The following OXCT1 variants were observed in gnomAD, a reference collection of about 807,000 sequenced individuals.
OXCT1 encodes succinyl-CoA:3-ketoacid coenzyme A transferase 1, mitochondrial.
Under a neutral mutation model 69.6 loss-of-function variants are expected in OXCT1, and 27 were observed. The observed-to-expected ratio is 0.39, with a 90% CI of 0.29 to 0.54. The LOEUF (loss-of-function observed/expected upper bound fraction) is 0.54, where lower values mean the gene tolerates loss of function less well. Among genes scored for constraint, OXCT1 ranks in the 20% least tolerant of loss-of-function variants. OXCT1 has a pLI of 0.72. For synonymous variants in OXCT1, 202 were observed against 217.8 expected (o/e 0.93, Z 0.64); for missense variants, 437 against 650.2 (o/e 0.67, Z 3.57).
intron 1 of OXCT1, among the ~76,000 whole-genome samples, chr5:41,869,775 G>A (rs933409014): frequency 6.6e-6 from 1 of 152,118 alleles, no homozygotes; most frequent in South Asian, 2.1e-4. Context: ...ATCCAGCCCC[G>A]GTGAACTCGA....
intron 14 of OXCT1, among the ~76,000 whole-genome samples, chr5:41,756,516 T>C (rs1257585597): frequency 6.6e-6 from 1 of 152,112 alleles, no homozygotes; most frequent in Non-Finnish European, 1.5e-5. Context: ...GAGAGGGTTA[T>C]AATGATAAAA....
intron 14 of OXCT1, among the ~76,000 whole-genome samples, chr5:41,758,950 A>G (rs1172560881): frequency 6.6e-6 from 1 of 152,090 alleles, no homozygotes; most frequent in East Asian, 1.9e-4. Context: ...GCCCAGATAA[A>G]ACAGGGAGGA....
chr5:41,868,722 C>CAA (rs557078550), intron 1 of OXCT1, among the ~76,000 whole-genome samples: 22 of 101,952 alleles, frequency 2.2e-4, no homozygotes, highest in African/African-American at 5.4e-4. Flanking sequence ...GACTCCGTCT[C>CAA]AAAAAAAAAA....
chr5:41,765,337 G>T (rs889102441), intron 13 of OXCT1, among the ~76,000 whole-genome samples: 1 of 152,118 alleles, frequency 6.6e-6, no homozygotes, highest in African/African-American at 2.4e-5. Flanking sequence ...CAATCTGGAC[G>T]CTGACATCCA....
chr5:41,825,963 C>T (rs13358155), intron 7 of OXCT1, among the ~76,000 whole-genome samples: 1,751 of 152,246 alleles, frequency 0.012, 33 homozygotes, highest in African/African-American at 0.04. Flanking sequence ...TCTTTTGAGC[C>T]AAAGTATAAA....
At chr5:41,850,301 T>C in intron 4 of OXCT1, 122 bp from the exon 5 acceptor site, 1 of 1,009,576 alleles carries the variant, frequency 9.9e-7, no homozygotes, top group Admixed American at 2.0e-5. Flanking sequence ...GCTAGCATTG[T>C]ACATTAGCAT....
At chr5:41,767,722 G>GTGTGTATATA (rs1554011237) in intron 13 of OXCT1, among the ~76,000 whole-genome samples, 1 of 89,972 alleles carries the variant, frequency 1.1e-5, no homozygotes, top group South Asian at 3.9e-4. Flanking sequence ...ATATGTGTGT[G>GTGTGTATATA]TATATATATA....
chr5:41,795,753 G>A (rs1387534805), intron 11 of OXCT1, among the ~76,000 whole-genome samples: 1 of 152,026 alleles, frequency 6.6e-6, no homozygotes, highest in Admixed American at 6.6e-5. Flanking sequence ...GTAACTCTGA[G>A]GTGATGGATG....
chr5:41,781,879 A>G (rs192803120), intron 13 of OXCT1, among the ~76,000 whole-genome samples: 10 of 152,230 alleles, frequency 6.6e-5, no homozygotes, highest in Admixed American at 3.9e-4. Context: ...GGTTGATTCC[A>G]TGTCTTTACT....
In OXCT1 at chr5:41,731,433, A is replaced by T; in HGVS notation, c.*296T>A. 9.5e-7 allele frequency: 1 copy of T among 1,051,676 alleles called. No individual in the cohort carries two copies. Among genetic ancestry groups the T allele is most frequent in the Non-Finnish European group, 1.2e-6 (1 of 843,478 alleles). The allele number at this position is 1,051,676 out of a possible 1,614,324, so 65.1% of individuals were successfully genotyped here. A position where few individuals can be genotyped will look rare whatever the true frequency, so the allele number is the denominator to read the frequency against. ...TAGGGCCCTTCTTGGGGAAAGGTTC[A>T]TATAATTTAGCATACATACCATATT... On this transcript the variant is annotated 3_prime_UTR_variant, in exon 17 of 17. Coordinates refer to ENST00000196371, the MANE Select transcript of OXCT1 (RefSeq NM_000436.4).
chr5:41,857,903 A>C (rs1195645039), intron 3 of OXCT1, among the ~76,000 whole-genome samples: 1 of 152,212 alleles, frequency 6.6e-6, no homozygotes, highest in African/African-American at 2.4e-5. Context: ...TACTTTCTGT[A>C]GTTTAAAATA....
intron 3 of OXCT1, among the ~76,000 whole-genome samples, chr5:41,855,728 G>C (rs1174094479): frequency 6.6e-6 from 1 of 152,196 alleles, no homozygotes; most frequent in African/African-American, 2.4e-5. Context: ...CTTTGAAACT[G>C]AGAAAATAAA....
chr5:41,785,620 G>C (rs142619319), intron 13 of OXCT1, among the ~76,000 whole-genome samples: 325 of 152,280 alleles, frequency 2.1e-3, no homozygotes, highest in African/African-American at 7.5e-3. Context: ...CCAGATGTTA[G>C]ATGAGATCTT....
At chr5:41,744,987 A>G (rs1223490637) in intron 15 of OXCT1, among the ~76,000 whole-genome samples, 1 of 152,138 alleles carries the variant, frequency 6.6e-6, no homozygotes, top group Non-Finnish European at 1.5e-5. Context: ...CATTAGACAC[A>G]TCAACGAGAC....
intron 13 of OXCT1, among the ~76,000 whole-genome samples, chr5:41,771,943 T>C (rs1476939331): frequency 6.6e-6 from 1 of 152,230 alleles, no homozygotes; most frequent in Non-Finnish European, 1.5e-5. Context: ...TATGTTCTAA[T>C]GGTGAGGTTT....
intron 13 of OXCT1, among the ~76,000 whole-genome samples, chr5:41,778,565 C>T (rs1745237639): frequency 1.3e-5 from 2 of 152,188 alleles, no homozygotes; most frequent in Admixed American, 6.5e-5. Context: ...ATATGACCCC[C>T]AAATAAAAGC....
At chr5:41,823,090 C>G (rs1186064146) in intron 7 of OXCT1, among the ~76,000 whole-genome samples, 1 of 152,082 alleles carries the variant, frequency 6.6e-6, no homozygotes, top group Non-Finnish European at 1.5e-5. Flanking sequence ...CTTGAGTTTG[C>G]AATATACATT....
intron 13 of OXCT1, among the ~76,000 whole-genome samples, chr5:41,764,533 C>G (rs1744506404): frequency 6.6e-6 from 1 of 152,106 alleles, no homozygotes; most frequent in Non-Finnish European, 1.5e-5. Context: ...TACTAAAAGA[C>G]TCAGACTACA....
At chr5:41,735,505 T>A (rs574057953) in intron 16 of OXCT1, among the ~76,000 whole-genome samples, 1 of 152,362 alleles carries the variant, frequency 6.6e-6, no homozygotes, top group East Asian at 1.9e-4. Flanking sequence ...AGATCTGTTG[T>A]ATAACAATGT....
Sources: gnomAD v4.1 joint callset for allele counts (sites outside exome capture counted in the v4.1 genomes callset) on GRCh38, gnomAD v4.1.1 for gene constraint, MANE v1.5 for transcripts, NCBI Gene and HGNC (gene_info 2026-07-23, HGNC 2026-07-21) for gene names.